The following SPTBN4 variants were observed in gnomAD, a reference collection of about 807,000 sequenced individuals.
SPTBN4 encodes the protein spectrin beta, non-erythrocytic 4, also known as spectrin beta chain, non-erythrocytic 4.
In SPTBN4, 96 loss-of-function variants were observed where a neutral mutation model predicts 277.8. That is an observed-to-expected ratio of 0.35 (90% CI 0.29 to 0.41). The LOEUF (loss-of-function observed/expected upper bound fraction) is 0.41. Among genes scored for constraint, SPTBN4 ranks in the 10% least tolerant of loss-of-function variants. The probability of loss-of-function intolerance (pLI) is 1.00; values close to 1 mark genes in which losing one functional copy is unlikely to be tolerated. For missense variants in SPTBN4, 3,006 were observed against 3,595.7 expected (o/e 0.84, Z 4.19); for synonymous variants, 1,481 against 1,580.3 (o/e 0.94, Z 1.49).
intron 1 of SPTBN4, among the ~76,000 whole-genome samples, chr19:40,467,642 G>C (rs1239814934): frequency 2.0e-5 from 3 of 151,662 alleles, no homozygotes; most frequent in Admixed American, 6.6e-5. Context: ...GGGGGTGTTG[G>C]GGGGAGGCTC....
Position 40,561,747 on chromosome 19 carries a change from G to A in SPTBN4, c.5915+1344G>A, listed in dbSNP as rs368440545. Reference sequence around the variant, plus strand: ...TGAGGCAGGAGAATCGCTTGAACCCGGGAGGTGGAGGTCACAGTGAGCCAA... The same window carrying A: ...TGAGGCAGGAGAATCGCTTGAACCCAGGAGGTGGAGGTCACAGTGAGCCAA... On this transcript the variant is annotated intron_variant, in intron 27 of 35. Coordinates refer to ENST00000598249, the MANE Select transcript of SPTBN4 (RefSeq NM_020971.3). 2.6e-5 allele frequency among the ~76,000 whole-genome samples: 4 copies of A among 151,754 alleles called. No individual in the cohort carries two copies. The East Asian group carries it at 5.8e-4, about 22-fold the overall frequency.
chr19:40,569,559 C>T, intron 31 of SPTBN4, 98 bp from the exon 32 acceptor site: 3 of 1,280,084 alleles, frequency 2.3e-6, no homozygotes, highest in Non-Finnish European at 3.3e-6. Context: ...GGGCCTGGCA[C>T]TTCCAGCTAA....
At chr19:40,550,209 C>T in intron 21 of SPTBN4, 29 bp from the exon 22 acceptor site, 1 of 1,607,836 alleles carries the variant, frequency 6.2e-7, no homozygotes, top group Non-Finnish European at 8.5e-7. Context: ...TGCATTCTCC[C>T]CTTGACCTGC....
chr19:40,575,296 C>T, intron 35 of SPTBN4, 115 bp from the exon 36 acceptor site: 8 of 1,269,534 alleles, frequency 6.3e-6, no homozygotes, highest in Non-Finnish European at 8.5e-6. Flanking sequence ...ATCATCATCC[C>T]TTTTTAATAG....
In SPTBN4 at chr19:40,575,419, G is replaced by C. The variant is rs866074964; in HGVS notation, c.7545G>C (p.Met2515Ile). Residue 2515 changes from methionine to isoleucine, a missense_variant, in exon 36 of 36, where the codon ATG (methionine) becomes ATC (isoleucine). Around this residue, in one of 5 missense-constraint regions of SPTBN4, gnomAD observed 630 missense variants for 677.6 expected, o/e 0.93. Coordinates refer to ENST00000598249, the MANE Select transcript of SPTBN4 (RefSeq NM_020971.3). ...CCTGTTTCTTCCCCCAGGAGGAGAT[G>C]AACGGCTGGCTGGAGGCTGTAGCTT... The part of the protein sequence containing the change: ...FLLQAKDEEE[M>I]NGWLEAVASS... 5 of 1,613,240 alleles carry C rather than the reference G, an allele frequency of 3.1e-6. No homozygotes were observed. The Middle Eastern group carries it at 8.3e-4, about 266-fold the overall frequency.
intron 16 of SPTBN4, among the ~76,000 whole-genome samples, chr19:40,521,731 A>C (rs2080529081): frequency 6.6e-6 from 1 of 152,118 alleles, no homozygotes; most frequent in Admixed American, 6.6e-5. Context: ...TGATCTAGGG[A>C]GTGGAGGAGA....
intron 15 of SPTBN4, among the ~76,000 whole-genome samples, chr19:40,517,012 G>A (rs912932055): frequency 1.3e-5 from 2 of 152,166 alleles, no homozygotes; most frequent in African/African-American, 4.8e-5. Flanking sequence ...GGGGTTCATA[G>A]ATGAAGATAC....
At chr19:40,543,189 A>G (rs902473661) in intron 20 of SPTBN4, among the ~76,000 whole-genome samples, 2 of 151,996 alleles carry the variant, frequency 1.3e-5, no homozygotes, top group African/African-American at 4.8e-5. Context: ...AGTGGCTCAC[A>G]CCTGTAATCC....
chr19:40,572,534 A>G, intron 35 of SPTBN4, 154 bp downstream of exon 35: 1 of 942,534 alleles, frequency 1.1e-6, no homozygotes, highest in Non-Finnish European at 1.6e-6. Context: ...TGAGAGCCCA[A>G]AGGAGGTTCC....
At chr19:40,489,400 G>A (rs947381229) in intron 3 of SPTBN4, among the ~76,000 whole-genome samples, 1 of 151,632 alleles carries the variant, frequency 6.6e-6, no homozygotes, top group Non-Finnish European at 1.5e-5. Flanking sequence ...TTGTTTGTTT[G>A]TTTGAAACGA....
intron 20 of SPTBN4, among the ~76,000 whole-genome samples, chr19:40,547,228 G>A (rs1377520004): frequency 7.4e-6 from 1 of 134,308 alleles, no homozygotes; most frequent in African/African-American, 2.9e-5. Context: ...CCTGCCCTGT[G>A]TCCAAGTGTT....
Position 40,515,553 on chromosome 19 carries a change from C to G in SPTBN4, c.2903+105C>G. On this transcript the variant is annotated intron_variant, in intron 15 of 35. Coordinates refer to ENST00000598249, the MANE Select transcript of SPTBN4 (RefSeq NM_020971.3). The surrounding 1 kb of genome is among the most constrained non-coding windows in gnomAD (Gnocchi z 4.1). ...CTCAAACCCCTGGAATCATAATGGC[C>G]ACCCGATAAATCAACAAAATGTTGA... The G allele has an allele frequency of 7.8e-7, 1 of 1,281,346 alleles. No homozygotes were observed. The highest frequency in any genetic ancestry group is 1.0e-6 in the Non-Finnish European group (1 of 980,372). The allele number at this position is 1,281,346 out of a possible 1,614,324, so 79.4% of individuals were successfully genotyped here.
At position 40,490,047 on chromosome 19, in the gene SPTBN4, C is replaced by T. The variant is rs200313371; in HGVS notation, c.322-28C>T. On this transcript the variant is annotated intron_variant, in intron 3 of 35. Coordinates refer to ENST00000598249, the MANE Select transcript of SPTBN4 (RefSeq NM_020971.3). This position sits in a 1 kb window ranked among gnomAD's most constrained non-coding sequence, Gnocchi z 4.3. ...CCATACTCCTGTCTGTCCAGACCCC[C>T]GATCGCCCACCGCCCCTGTCGCCCT... 380 of 1,575,940 alleles carry T rather than the reference C, an allele frequency of 2.4e-4. 1 individual carries two copies. In the East Asian group the frequency reaches 8.6e-3, roughly 36 times the overall value.
At chr19:40,481,458 C>T (rs755652119) in intron 2 of SPTBN4, among the ~76,000 whole-genome samples, 38 of 151,994 alleles carry the variant, frequency 2.5e-4, no homozygotes, top group Non-Finnish European at 5.1e-4. Flanking sequence ...CCCACCCTTG[C>T]GATGGTCAGG....
chr19:40,471,328 C>T (rs73048160), intron 1 of SPTBN4, among the ~76,000 whole-genome samples: 4,357 of 152,232 alleles, frequency 0.029, 81 homozygotes, highest in Middle Eastern at 0.068. Context: ...GCCTCAGTTT[C>T]CTCCTCTGTA....
chr19:40,569,182 T>C (rs2081125479), intron 31 of SPTBN4, among the ~76,000 whole-genome samples: 1 of 151,942 alleles, frequency 6.6e-6, no homozygotes, highest in Admixed American at 6.6e-5. Context: ...TCTCAGCACT[T>C]TGGGAGGTTG....
Position 40,502,372 on chromosome 19 carries a change from G to A in SPTBN4, c.1086-18G>A, listed in dbSNP as rs775431120. On this transcript the variant is annotated intron_variant, in intron 9 of 35. Transcript: ENST00000598249. The surrounding 1 kb of genome is among the most constrained non-coding windows in gnomAD (Gnocchi z 4.9). ...GGGGTGGCATGACGGCAGGGCTCCTGAGCTCATGCCCCTTCAGGTTCCAGG... is the reference window on the plus strand; with the variant it reads ...GGGGTGGCATGACGGCAGGGCTCCTAAGCTCATGCCCCTTCAGGTTCCAGG... The A allele has an allele frequency of 2.7e-5, 44 of 1,610,236 alleles. No homozygotes were observed. Among genetic ancestry groups the A allele is most frequent in the Non-Finnish European group, 3.6e-5 (42 of 1,178,048 alleles).
intron 2 of SPTBN4, among the ~76,000 whole-genome samples, chr19:40,486,744 C>G (rs975278197): frequency 1.3e-5 from 2 of 152,066 alleles, no homozygotes; most frequent in Non-Finnish European, 2.9e-5. Context: ...TGCCTGTAAT[C>G]CCAGCACTTT....
intron 17 of SPTBN4, 35 bp from the exon 18 acceptor site, chr19:40,529,006 G>C (rs777602286): frequency 6.3e-7 from 1 of 1,585,486 alleles, no homozygotes; most frequent in Non-Finnish European, 8.7e-7. Flanking sequence ...CCCCAACCCG[G>C]GGCCTTTCCC....
Sources: gnomAD v4.1 joint callset for allele counts (sites outside exome capture counted in the v4.1 genomes callset) on GRCh38, gnomAD v4.1.1 for gene constraint, gnomAD v4.1.1 regional missense constraint, Gnocchi (gnomAD v3.1) non-coding constraint, MANE v1.5 for transcripts, NCBI Gene and HGNC (gene_info 2026-07-23, HGNC 2026-07-21) for gene names.